KHDRBS2: variants seen among roughly 807,000 people sequenced by gnomAD.
KHDRBS2 encodes the protein KH domain-containing, RNA-binding, signal transduction-associated protein 2.
KHDRBS2 carries 26 observed loss-of-function variants against 44.3 expected under a neutral mutation model. The observed-to-expected ratio is 0.59, with a 90% CI of 0.43 to 0.81. The LOEUF (loss-of-function observed/expected upper bound fraction) is 0.81, where lower values mean the gene tolerates loss of function less well. Among genes scored for constraint, KHDRBS2 ranks in the 40% least tolerant of loss-of-function variants. KHDRBS2 has a pLI of 0.00. For missense variants in KHDRBS2, 476 were observed against 433.1 expected (o/e 1.10, Z -0.88); for synonymous variants, 194 against 151.1 (o/e 1.28, Z -2.08).
In KHDRBS2 at chr6:62,047,998, G is replaced by C; in HGVS notation, c.220-4C>G. On this transcript the variant is annotated splice_region_variant and splice_polypyrimidine_tract_variant and intron_variant, in intron 2 of 8. Transcript: ENST00000281156. ...GCAATTTCCCCACAAAATTGAACTAGGAAACAAAATCAATAGAATGTCTGT... is the reference window on the plus strand; with the variant it reads ...GCAATTTCCCCACAAAATTGAACTACGAAACAAAATCAATAGAATGTCTGT... The C allele has an allele frequency of 1.4e-6, 2 of 1,444,874 alleles. No homozygotes were observed. Among genetic ancestry groups the C allele is most frequent in the Non-Finnish European group, 1.9e-6 (2 of 1,026,254 alleles). 89.5% of individuals were successfully genotyped at this position (1,444,874 alleles called of 1,614,324 possible). A position where few individuals can be genotyped will look rare whatever the true frequency, so the allele number is the denominator to read the frequency against.
At chr6:61,742,643 A>C (rs1467322354) in intron 6 of KHDRBS2, among the ~76,000 whole-genome samples, 2 of 151,966 alleles carry the variant, frequency 1.3e-5, no homozygotes, top group African/African-American at 4.8e-5. Context: ...GCTTGGGATG[A>C]TATGGCAATG....
chr6:62,172,719 A>AAG (rs1820301100), intron 2 of KHDRBS2, among the ~76,000 whole-genome samples: 1 of 150,712 alleles, frequency 6.6e-6, no homozygotes, highest in Non-Finnish European at 1.5e-5. Flanking sequence ...AAAAAAAAAA[A>AAG]CCTGGAATCA....
chr6:61,986,364 A>G (rs1053754509), intron 3 of KHDRBS2, among the ~76,000 whole-genome samples: 1 of 152,236 alleles, frequency 6.6e-6, no homozygotes, highest in African/African-American at 2.4e-5. Flanking sequence ...TATTCTGTAC[A>G]TTAAATTCAC....
intron 2 of KHDRBS2, among the ~76,000 whole-genome samples, chr6:62,150,160 T>C (rs1391693480): frequency 6.6e-6 from 1 of 152,104 alleles, no homozygotes; most frequent in Non-Finnish European, 1.5e-5. Context: ...TCCAGCTGTG[T>C]TGGGTTGGTT....
chr6:61,917,168 T>A (rs1426995699), intron 4 of KHDRBS2, among the ~76,000 whole-genome samples: 1 of 151,764 alleles, frequency 6.6e-6, no homozygotes, highest in Non-Finnish European at 1.5e-5. Flanking sequence ...GCCTGATTCA[T>A]AATTGCCAAA....
At chr6:61,914,929 T>C (rs1806719897) in intron 4 of KHDRBS2, among the ~76,000 whole-genome samples, 1 of 152,096 alleles carries the variant, frequency 6.6e-6, no homozygotes, top group Non-Finnish European at 1.5e-5. Context: ...GCAATCCAGG[T>C]AGATGTCCAT....
intron 7 of KHDRBS2, among the ~76,000 whole-genome samples, chr6:61,724,367 G>GTAA (rs1773203376): frequency 6.6e-6 from 1 of 151,934 alleles, no homozygotes; most frequent in Non-Finnish European, 1.5e-5. Context: ...AAAACACACT[G>GTAA]AAGTACAGAC....
intron 1 of KHDRBS2, among the ~76,000 whole-genome samples, chr6:62,243,593 T>C (rs896851138): frequency 1.5e-5 from 2 of 134,686 alleles, no homozygotes; most frequent in African/African-American, 6.7e-5. Flanking sequence ...ACATAATACA[T>C]CATACCTATA....
chr6:61,747,420 T>C (rs1392192594), intron 6 of KHDRBS2, among the ~76,000 whole-genome samples: 1 of 152,200 alleles, frequency 6.6e-6, no homozygotes, highest in Non-Finnish European at 1.5e-5. Flanking sequence ...ATTTTTAAGT[T>C]TTTGCCCCCA....
intron 2 of KHDRBS2, among the ~76,000 whole-genome samples, chr6:62,109,618 C>G (rs1053782694): frequency 6.6e-6 from 1 of 151,786 alleles, no homozygotes; most frequent in African/African-American, 2.4e-5. Context: ...TATAAAAGAT[C>G]ATATAGTGGC....
At chr6:62,067,741 A>G (rs1794078723) in intron 2 of KHDRBS2, among the ~76,000 whole-genome samples, 1 of 151,350 alleles carries the variant, frequency 6.6e-6, no homozygotes, top group South Asian at 2.1e-4. Flanking sequence ...TACCCATTGG[A>G]CCCCTACACT....
At chr6:61,543,112 G>A in the KHDRBS2 span, among the ~76,000 whole-genome samples, 1 of 151,828 alleles carries the variant, frequency 6.6e-6, no homozygotes, top group Non-Finnish European at 1.5e-5. Context: ...ATGGACAAAT[G>A]GGATCACATC....
At chr6:62,119,928 G>C (rs1265828926) in intron 2 of KHDRBS2, among the ~76,000 whole-genome samples, 7 of 152,182 alleles carry the variant, frequency 4.6e-5, no homozygotes, top group Non-Finnish European at 1.0e-4. Flanking sequence ...GTGAGGTTCA[G>C]AGTGTGACCC....
intron 2 of KHDRBS2, among the ~76,000 whole-genome samples, chr6:62,078,073 TTGCTGGCTAAGAGTA>T (rs1384846115): frequency 6.6e-6 from 1 of 152,066 alleles, no homozygotes; most frequent in Non-Finnish European, 1.5e-5. Context: ...TTAATAAATG[TTGCTGGCTAAGAGTA>T]TCTGCATAAC....
chr6:61,595,487 A>G, the KHDRBS2 span, among the ~76,000 whole-genome samples: 3 of 152,116 alleles, frequency 2.0e-5, no homozygotes, highest in Admixed American at 6.5e-5. Context: ...TTTTTAACAA[A>G]CACACATCTT....
At chr6:61,817,569 C>T (rs564304155) in intron 6 of KHDRBS2, among the ~76,000 whole-genome samples, 1 of 152,138 alleles carries the variant, frequency 6.6e-6, no homozygotes, top group East Asian at 1.9e-4. Context: ...ATGTTTTACA[C>T]AGTCTGTTTA....
intron 1 of KHDRBS2, among the ~76,000 whole-genome samples, chr6:62,184,849 C>T (rs933123664): frequency 4.6e-5 from 7 of 151,696 alleles, no homozygotes; most frequent in Non-Finnish European, 5.9e-5. Flanking sequence ...ATATAAGGTG[C>T]CTCAAATTCA....
At chr6:61,760,432 A>G (rs570105460) in intron 6 of KHDRBS2, among the ~76,000 whole-genome samples, 1 of 152,242 alleles carries the variant, frequency 6.6e-6, no homozygotes, top group East Asian at 1.9e-4. Flanking sequence ...CAGGAGTTCA[A>G]CTTCAGCCTG....
the KHDRBS2 span, among the ~76,000 whole-genome samples, chr6:61,607,544 A>AAAAAAAAAAAT: frequency 5.4e-5 from 8 of 148,668 alleles, no homozygotes; most frequent in Non-Finnish European, 7.4e-5. Context: ...AAAAAAAAAA[A>AAAAAAAAAAAT]AGATGTGTGA....
Sources: allele counts gnomAD v4.1 joint callset (sites outside exome capture counted in the v4.1 genomes callset), GRCh38; gene constraint gnomAD v4.1.1; transcripts MANE v1.5; gene names NCBI Gene and HGNC (gene_info 2026-07-23, HGNC 2026-07-21).